GRIN2B: variants seen among roughly 807,000 people sequenced by gnomAD.
GRIN2B encodes the protein glutamate receptor ionotropic, NMDA 2B.
A neutral mutation model predicts 114.5 loss-of-function variants in GRIN2B; 5 were observed. That is an observed-to-expected ratio of 0.04 (90% confidence interval 0.02 to 0.09). The LOEUF (loss-of-function observed/expected upper bound fraction) is 0.09, where lower values mean the gene tolerates loss of function less well. Among genes scored for constraint, GRIN2B ranks in the 10% least tolerant of loss-of-function variants. The pLI is 1.00. For synonymous variants in GRIN2B, 787 were observed against 745.1 expected (o/e 1.06, Z -0.92); for missense variants, 1,108 against 1,943.5 (o/e 0.57, Z 8.08).
intron 3 of GRIN2B, among the ~76,000 whole-genome samples, chr12:13,847,677 G>T (rs548126762): frequency 6.6e-6 from 1 of 152,194 alleles, no homozygotes; most frequent in African/African-American, 2.4e-5. Context: ...ATGATGGAGA[G>T]CAGGGAGCAG....
At chr12:13,939,513 C>G (rs1261853441) in intron 2 of GRIN2B, among the ~76,000 whole-genome samples, 1 of 146,084 alleles carries the variant, frequency 6.8e-6, no homozygotes, top group Non-Finnish European at 1.5e-5. Context: ...TCATGAGGCT[C>G]TCACCAGAAA....
intron 3 of GRIN2B, among the ~76,000 whole-genome samples, chr12:13,776,006 G>A (rs1863996330): frequency 6.6e-6 from 1 of 152,102 alleles, no homozygotes; most frequent in African/African-American, 2.4e-5. Context: ...ATTCACAATA[G>A]CAAACACATG....
intron 4 of GRIN2B, among the ~76,000 whole-genome samples, chr12:13,703,378 G>A (rs1950329238): frequency 6.6e-6 from 1 of 151,980 alleles, no homozygotes; most frequent in Non-Finnish European, 1.5e-5. Context: ...TCACTCACAT[G>A]CTATATGTTC....
intron 3 of GRIN2B, among the ~76,000 whole-genome samples, chr12:13,827,400 C>A (rs967976188): frequency 5.3e-5 from 8 of 151,664 alleles, no homozygotes; most frequent in African/African-American, 1.9e-4. Flanking sequence ...CCTTCTGGGT[C>A]TCTAATTATA....
chr12:13,942,082 G>A (rs1186094449), intron 2 of GRIN2B, among the ~76,000 whole-genome samples: 3 of 152,092 alleles, frequency 2.0e-5, no homozygotes, highest in Non-Finnish European at 2.9e-5. Context: ...CGTCTTCCAC[G>A]TGCAAACCTC....
At chr12:13,930,900 C>T (rs986895014) in intron 2 of GRIN2B, among the ~76,000 whole-genome samples, 1 of 152,068 alleles carries the variant, frequency 6.6e-6, no homozygotes, top group Non-Finnish European at 1.5e-5. Flanking sequence ...CATGTGTGTT[C>T]AAGATTTAAA....
At position 13,561,894 on chromosome 12, in the gene GRIN2B, C is replaced by T. The variant is rs972443518; in HGVS notation, c.*889G>A. The T allele has an allele frequency of 2.0e-5, 3 of 152,632 alleles. No homozygotes were observed. The highest frequency in any genetic ancestry group is 4.8e-5 in the African/African-American group (2 of 41,440). The allele number at this position is 152,632 out of a possible 1,614,324, so 9.5% of individuals were successfully genotyped here. A position where few individuals can be genotyped will look rare whatever the true frequency, so the allele number is the denominator to read the frequency against. On this transcript the variant is annotated 3_prime_UTR_variant, in exon 14 of 14. Coordinates refer to ENST00000609686, the MANE Select transcript of GRIN2B (RefSeq NM_000834.5). ...TATTCCAGAAGGATGAAGGGAGACA[C>T]AGCCAAAATTCAGGTAATACATGGC...
intron 12 of GRIN2B, among the ~76,000 whole-genome samples, chr12:13,569,429 G>GGTA (rs1273752367): frequency 6.6e-6 from 1 of 152,114 alleles, no homozygotes; most frequent in African/African-American, 2.4e-5. Context: ...CATGCACACT[G>GGTA]GTAAAACACC....
rs1555102552 is a variant in GRIN2B, at chr12:13,564,488, G to A, written c.2750C>T (p.Ser917Leu). The stretch of plus-strand genomic sequence containing the variant: ...GATGAAGTCCAGGGCGCTCTGCGGT[G>A]AGCCATTCACACCAGACAGGTTAGC... Reference protein sequence around the residue: ...NMANLSGVNGSPQSALDFIRR... With the variant: ...NMANLSGVNGLPQSALDFIRR... Residue 917 changes from serine to leucine, a missense_variant, in exon 14 of 14, where the codon TCA (serine) becomes TTA (leucine). By Grantham distance (145) the Ser-to-Leu change is moderately radical (BLOSUM62 -2). Transcript: ENST00000609686. This position sits in a 1 kb window ranked among gnomAD's most constrained non-coding sequence, Gnocchi z 4.8. 1.2e-6 allele frequency: 2 copies of A among 1,614,236 alleles called. No individual in the cohort carries two copies. The highest frequency in any genetic ancestry group is 1.7e-6 in the Non-Finnish European group (2 of 1,180,036).
chr12:13,936,325 A>G (rs1867130393), intron 2 of GRIN2B, among the ~76,000 whole-genome samples: 1 of 152,190 alleles, frequency 6.6e-6, no homozygotes, highest in African/African-American at 2.4e-5. Flanking sequence ...CATCTGTGGC[A>G]TCAATCTGAG....
intron 4 of GRIN2B, among the ~76,000 whole-genome samples, chr12:13,747,336 A>C (rs1035273237): frequency 1.3e-5 from 2 of 152,232 alleles, no homozygotes; most frequent in African/African-American, 4.8e-5. Flanking sequence ...GAGGAATGTG[A>C]AAGACTAGAG....
At chr12:13,604,266 G>T (rs1241394383) in intron 10 of GRIN2B, among the ~76,000 whole-genome samples, 1 of 152,196 alleles carries the variant, frequency 6.6e-6, no homozygotes, top group Non-Finnish European at 1.5e-5. Flanking sequence ...TGAATTCACT[G>T]TAATGTGCTA....
rs116535700 is a variant in GRIN2B at position 13,900,775 on chromosome 12, G to A, written c.-18-34549C>T. ...AACATTACGTGGATAGAATCACTTA[G>A]AATCATACCATATGTATTATTTCCC... On this transcript the variant is annotated intron_variant, in intron 2 of 13. Coordinates refer to ENST00000609686, the MANE Select transcript of GRIN2B (RefSeq NM_000834.5). 3.6e-3 allele frequency among the ~76,000 whole-genome samples: 553 copies of A among 152,174 alleles called. 7 individuals are homozygous for A. Among genetic ancestry groups the A allele is most frequent in the African/African-American group, 0.012 (508 of 41,522 alleles).
chr12:13,882,688 C>A lies in GRIN2B; in HGVS notation c.-18-16462G>T, dbSNP rs73296788. Among the ~76,000 whole-genome samples, 1,074 of 152,066 alleles carry A rather than the reference C, an allele frequency of 7.1e-3. 19 individuals are homozygous for A. Among genetic ancestry groups the A allele is most frequent in the African/African-American group, 0.024 (1,012 of 41,480 alleles). ...TGGAAGCTTGTTATTACTAAATGGGCCTGACAAAGACATTATTCATTTATG... is the reference window on the plus strand; with the variant it reads ...TGGAAGCTTGTTATTACTAAATGGGACTGACAAAGACATTATTCATTTATG... On this transcript the variant is annotated intron_variant, in intron 2 of 13. Coordinates refer to ENST00000609686, the MANE Select transcript of GRIN2B (RefSeq NM_000834.5).
At chr12:13,841,938 G>A (rs1177461865) in intron 3 of GRIN2B, among the ~76,000 whole-genome samples, 1 of 151,994 alleles carries the variant, frequency 6.6e-6, no homozygotes, top group Non-Finnish European at 1.5e-5. Flanking sequence ...AATTCATCGT[G>A]CTACATCATG....
intron 3 of GRIN2B, among the ~76,000 whole-genome samples, chr12:13,758,418 A>T (rs1326097985): frequency 6.6e-6 from 1 of 152,256 alleles, no homozygotes; most frequent in African/African-American, 2.4e-5. Context: ...AAATACTGAA[A>T]TGACTTATTT....
chr12:13,718,731 A>G (rs932554700), intron 4 of GRIN2B, among the ~76,000 whole-genome samples: 2 of 152,076 alleles, frequency 1.3e-5, no homozygotes, highest in African/African-American at 4.8e-5. Flanking sequence ...GGTTGAACTT[A>G]GTAGAGATGA....
intron 5 of GRIN2B, among the ~76,000 whole-genome samples, chr12:13,627,207 C>A (rs1394208817): frequency 1.3e-5 from 2 of 152,266 alleles, no homozygotes; most frequent in East Asian, 3.9e-4. Context: ...ATGACAGCAT[C>A]AGAGTCCCGG....
intron 2 of GRIN2B, among the ~76,000 whole-genome samples, chr12:13,911,414 C>T (rs1395024526): frequency 6.6e-6 from 1 of 152,098 alleles, no homozygotes; most frequent in Non-Finnish European, 1.5e-5. Flanking sequence ...TCAACGAAAG[C>T]AAGTGAGCCT....
Sources: allele counts gnomAD v4.1 joint callset (sites outside exome capture counted in the v4.1 genomes callset), GRCh38; gene constraint gnomAD v4.1.1; non-coding constraint Gnocchi (gnomAD v3.1); transcripts MANE v1.5; gene names NCBI Gene and HGNC (gene_info 2026-07-23, HGNC 2026-07-21).